DRC8: variants seen among roughly 807,000 people sequenced by gnomAD.
DRC8 encodes dynein regulatory complex protein 8.
the DRC8 span, among the ~76,000 whole-genome samples, chr1:245,120,090 T>G: frequency 6.6e-6 from 1 of 152,208 alleles, no homozygotes; most frequent in Non-Finnish European, 1.5e-5. Flanking sequence ...GAAACTGACC[T>G]AATTTATTTT....
the DRC8 span, among the ~76,000 whole-genome samples, chr1:245,027,575 T>G: frequency 6.6e-6 from 1 of 152,194 alleles, no homozygotes; most frequent in Non-Finnish European, 1.5e-5. Context: ...CCTTGTGTGT[T>G]TTTTTAAACT....
At chr1:245,115,913 G>T in the DRC8 span, among the ~76,000 whole-genome samples, 929 of 149,488 alleles carry the variant, frequency 6.2e-3, 8 homozygotes, top group African/African-American at 0.022. Context: ...TTGAGACAGG[G>T]TCTCACTCTG....
At chr1:245,053,727 A>C in the DRC8 span, among the ~76,000 whole-genome samples, 2 of 152,210 alleles carry the variant, frequency 1.3e-5, no homozygotes, top group Non-Finnish European at 2.9e-5. Flanking sequence ...GATGTCAATC[A>C]CGTGGGCTTT....
chr1:244,982,290 G>C, the DRC8 span, among the ~76,000 whole-genome samples: 1 of 152,208 alleles, frequency 6.6e-6, no homozygotes, highest in Non-Finnish European at 1.5e-5. Flanking sequence ...AAGAGACAAA[G>C]CAAGCATCAG....
At chr1:245,078,575 A>G in the DRC8 span, among the ~76,000 whole-genome samples, 2 of 152,196 alleles carry the variant, frequency 1.3e-5, no homozygotes, top group African/African-American at 4.8e-5. Context: ...AATAAGCCAG[A>G]CACACAGAAA....
the DRC8 span, among the ~76,000 whole-genome samples, chr1:245,085,535 C>G: frequency 2.0e-5 from 3 of 152,278 alleles, no homozygotes; most frequent in South Asian, 2.1e-4. Flanking sequence ...ATAAGCCTAG[C>G]TGGCCCAGAG....
chr1:245,062,481 G>A, the DRC8 span, among the ~76,000 whole-genome samples: 232 of 152,276 alleles, frequency 1.5e-3, no homozygotes, highest in Middle Eastern at 3.4e-3. Flanking sequence ...GATCTTCAGG[G>A]TATGGGAGCT....
the DRC8 span, among the ~76,000 whole-genome samples, chr1:245,075,993 C>T: frequency 6.6e-6 from 1 of 152,114 alleles, no homozygotes; most frequent in Non-Finnish European, 1.5e-5. Context: ...AGACATGGGG[C>T]GAGGCAACAA....
chr1:244,998,456 C>T, the DRC8 span, among the ~76,000 whole-genome samples: 1 of 152,174 alleles, frequency 6.6e-6, no homozygotes, highest in Non-Finnish European at 1.5e-5. Context: ...AGCAATCCTT[C>T]CACCTTGGCC....
the DRC8 span, among the ~76,000 whole-genome samples, chr1:244,977,694 G>T: frequency 5.3e-5 from 8 of 151,964 alleles, no homozygotes; most frequent in Non-Finnish European, 8.8e-5. Flanking sequence ...ATAATAAAAA[G>T]TGATGTCCAC....
chr1:244,989,491 G>T, the DRC8 span, among the ~76,000 whole-genome samples: 12 of 152,268 alleles, frequency 7.9e-5, no homozygotes, highest in South Asian at 2.5e-3. Context: ...CTGGTGGAAT[G>T]GGATTTTAGG....
chr1:245,034,598 C>A, the DRC8 span, among the ~76,000 whole-genome samples: 2 of 44,030 alleles, frequency 4.5e-5, no homozygotes, highest in East Asian at 8.8e-4. Flanking sequence ...GAGACTCCAT[C>A]TCAAAAAAAA....
the DRC8 span, among the ~76,000 whole-genome samples, chr1:245,026,381 C>G: frequency 1.3e-5 from 2 of 152,152 alleles, no homozygotes; most frequent in Non-Finnish European, 2.9e-5. Flanking sequence ...ATAAATATTA[C>G]TTTTACTTCT....
the DRC8 span, among the ~76,000 whole-genome samples, chr1:245,045,047 A>C: frequency 6.6e-6 from 1 of 152,088 alleles, no homozygotes; most frequent in African/African-American, 2.4e-5. Context: ...TTGTTCTGTC[A>C]CCCAGGCTGC....
the DRC8 span, among the ~76,000 whole-genome samples, chr1:245,043,272 A>G: frequency 1.3e-5 from 2 of 152,082 alleles, no homozygotes; most frequent in African/African-American, 4.8e-5. Context: ...TCTCTACTAA[A>G]AACACAAAAA....
the DRC8 span, among the ~76,000 whole-genome samples, chr1:245,060,306 G>T: frequency 0.01 from 1,577 of 152,254 alleles, 14 homozygotes; most frequent in Non-Finnish European, 0.018. Flanking sequence ...CTACTTCAAA[G>T]TTTGCTTCAA....
the DRC8 span, chr1:245,059,261 AT>A: frequency 9.2e-6 from 6 of 650,684 alleles, no homozygotes; most frequent in Admixed American, 6.2e-5. Context: ...ATCTTTTATA[AT>A]CATGAGGCAA....
chr1:245,000,530 C>G, the DRC8 span, among the ~76,000 whole-genome samples: 1 of 151,746 alleles, frequency 6.6e-6, no homozygotes, highest in East Asian at 1.9e-4. Context: ...GCCTGTAATC[C>G]CAGCACTTTG....
At chr1:245,006,610 T>C in the DRC8 span, among the ~76,000 whole-genome samples, 1 of 151,854 alleles carries the variant, frequency 6.6e-6, no homozygotes, top group African/African-American at 2.4e-5. Flanking sequence ...ACAATGGAAA[T>C]GGAAGGGAAA....
Sources: gnomAD v4.1 joint callset for allele counts (sites outside exome capture counted in the v4.1 genomes callset) on GRCh38, gnomAD v4.1.1 for gene constraint, MANE v1.5 for transcripts, NCBI Gene and HGNC (gene_info 2026-07-23, HGNC 2026-07-21) for gene names.